The following STARD13 variants were observed in gnomAD, a reference collection of about 807,000 sequenced individuals.
STARD13 encodes StAR related lipid transfer domain containing 13, also known as stAR-related lipid transfer protein 13.
STARD13 carries 62 observed loss-of-function variants against 106.4 expected under a neutral mutation model. The observed-to-expected ratio is 0.58, with a 90% CI of 0.48 to 0.72. The LOEUF is 0.72. Ranked by LOEUF, STARD13 falls within the 30% of genes least tolerant of loss-of-function variation. The pLI is 0.00. For synonymous variants in STARD13, 565 were observed against 553.0 expected (o/e 1.02, Z -0.31); for missense variants, 1,387 against 1,424.0 (o/e 0.97, Z 0.42).
At chr13:33,583,051 G>C in the STARD13 span, among the ~76,000 whole-genome samples, 1 of 152,174 alleles carries the variant, frequency 6.6e-6, no homozygotes, top group Non-Finnish European at 1.5e-5. Flanking sequence ...TCTGTGAACT[G>C]CATGTTTGGA....
chr13:33,319,426 C>T (rs1476253333), intron 1 of STARD13, among the ~76,000 whole-genome samples: 4 of 152,024 alleles, frequency 2.6e-5, no homozygotes, highest in South Asian at 2.1e-4. Context: ...TTGCTTTCTG[C>T]GGTGATAAAA....
the STARD13 span, among the ~76,000 whole-genome samples, chr13:33,414,154 A>G: frequency 6.6e-6 from 1 of 152,236 alleles, no homozygotes; most frequent in African/African-American, 2.4e-5. Flanking sequence ...TAAAATGGCT[A>G]AAGTTTAAAA....
At chr13:33,286,876 A>C (rs562992189), upstream of STARD13, among the ~76,000 whole-genome samples, 1 of 152,084 alleles carries the variant, frequency 6.6e-6, no homozygotes, top group Non-Finnish European at 1.5e-5. Flanking sequence ...GTATATATAT[A>C]TGTGTGTATA....
At chr13:33,395,882 C>A in the STARD13 span, among the ~76,000 whole-genome samples, 2 of 152,132 alleles carry the variant, frequency 1.3e-5, no homozygotes, top group Non-Finnish European at 2.9e-5. Flanking sequence ...TCATCTGTCA[C>A]CTAGGCTGGA....
chr13:33,594,638 C>G, the STARD13 span, among the ~76,000 whole-genome samples: 1 of 152,184 alleles, frequency 6.6e-6, no homozygotes, highest in Non-Finnish European at 1.5e-5. Flanking sequence ...TTTACCTTCT[C>G]ACACCGAAAC....
chr13:33,230,408 G>T (rs1318863348), intron 1 of STARD13, among the ~76,000 whole-genome samples: 2 of 152,196 alleles, frequency 1.3e-5, no homozygotes, highest in Non-Finnish European at 2.9e-5. Flanking sequence ...GGCACCCTGG[G>T]TTTCCTGGAG....
the STARD13 span, among the ~76,000 whole-genome samples, chr13:33,646,370 A>G: frequency 6.6e-6 from 1 of 152,306 alleles, no homozygotes; most frequent in South Asian, 2.1e-4. Flanking sequence ...TAAGGGAAAA[A>G]CATTCTGCCT....
the STARD13 span, among the ~76,000 whole-genome samples, chr13:33,398,781 C>A: frequency 1.3e-5 from 2 of 152,162 alleles, no homozygotes; most frequent in Admixed American, 1.3e-4. Context: ...GGATGTACCA[C>A]AACTGGAACC....
intron 1 of STARD13, among the ~76,000 whole-genome samples, chr13:33,230,850 C>T (rs1254689534): frequency 6.6e-6 from 1 of 152,194 alleles, no homozygotes; most frequent in African/African-American, 2.4e-5. Context: ...ATGGAAGAAC[C>T]ATAACTGCAA....
At chr13:33,667,403 C>A in the STARD13 span, among the ~76,000 whole-genome samples, 3 of 152,158 alleles carry the variant, frequency 2.0e-5, no homozygotes, top group African/African-American at 7.2e-5. Context: ...GAAAAATGTT[C>A]AAAAATATCT....
the STARD13 span, among the ~76,000 whole-genome samples, chr13:33,653,248 C>T: frequency 0.03 from 4,587 of 152,172 alleles, 212 homozygotes; most frequent in African/African-American, 0.11. Context: ...AACAAAGTTA[C>T]AAGACTCAAA....
the STARD13 span, among the ~76,000 whole-genome samples, chr13:33,499,604 T>TTCTTCTTCC: frequency 1.3e-4 from 5 of 39,896 alleles, no homozygotes; most frequent in African/African-American, 1.8e-4. Flanking sequence ...CTTCTTCTTC[T>TTCTTCTTCC]TTCTTCTTCT....
intron 7 of STARD13, among the ~76,000 whole-genome samples, chr13:33,124,929 C>T (rs1876932473): frequency 6.6e-6 from 1 of 152,138 alleles, no homozygotes; most frequent in Admixed American, 6.5e-5. Context: ...CAGCAGCCAT[C>T]CCACCCTCTG....
At chr13:33,446,575 A>G in the STARD13 span, among the ~76,000 whole-genome samples, 1 of 152,200 alleles carries the variant, frequency 6.6e-6, no homozygotes, top group Non-Finnish European at 1.5e-5. Context: ...AACTTTATAC[A>G]TAAGAGTAAA....
At chr13:33,355,102 A>T (rs2078112623), upstream of STARD13, 1 of 152,230 alleles carries the variant, frequency 6.6e-6, no homozygotes. Context: ...TTCTAAAATT[A>T]CAAATAATCC....
At chr13:33,622,676 C>T in the STARD13 span, among the ~76,000 whole-genome samples, 1 of 144,040 alleles carries the variant, frequency 6.9e-6, no homozygotes, top group South Asian at 2.2e-4. Context: ...ACTCCCAGCA[C>T]TTTGGGAGGC....
the STARD13 span, among the ~76,000 whole-genome samples, chr13:33,374,969 A>G: frequency 2.6e-5 from 4 of 152,168 alleles, no homozygotes; most frequent in Non-Finnish European, 5.9e-5. Context: ...CTTAGTACTC[A>G]TGTCTTGAGA....
the STARD13 span, among the ~76,000 whole-genome samples, chr13:33,359,309 C>T: frequency 6.6e-6 from 1 of 152,024 alleles, no homozygotes; most frequent in South Asian, 2.1e-4. Context: ...TCCAGACGCG[C>T]TGCCTTAAGA....
chr13:33,361,321 G>T, the STARD13 span, among the ~76,000 whole-genome samples: 1 of 39,102 alleles, frequency 2.6e-5, no homozygotes, highest in Non-Finnish European at 2.4e-4. Context: ...TTACTTTATT[G>T]AAAGAATATA....
Sources: allele counts gnomAD v4.1 joint callset (sites outside exome capture counted in the v4.1 genomes callset), GRCh38; gene constraint gnomAD v4.1.1; transcripts MANE v1.5; gene names NCBI Gene and HGNC (gene_info 2026-07-23, HGNC 2026-07-21).